GLRA3: variants seen among roughly 807,000 people sequenced by gnomAD.
GLRA3 encodes glycine receptor alpha 3, also known as glycine receptor subunit alpha-3.
A neutral mutation model predicts 60.4 loss-of-function variants in GLRA3; 44 were observed. The ratio of observed to expected loss-of-function variants is 0.73; its 90% CI spans 0.57 to 0.94. The LOEUF is 0.94. Ranked by LOEUF, GLRA3 falls within the 40% of genes least tolerant of loss-of-function variation. GLRA3 has a pLI of 0.00. For synonymous variants in GLRA3, 223 were observed against 192.9 expected (o/e 1.16, Z -1.29); for missense variants, 508 against 564.6 (o/e 0.90, Z 1.02).
chr4:174,739,214 G>C (rs187840706), intron 3 of GLRA3, among the ~76,000 whole-genome samples: 1 of 152,270 alleles, frequency 6.6e-6, no homozygotes, highest in East Asian at 1.9e-4. Flanking sequence ...GCAAGAAGTA[G>C]GTTGCAAGGA....
intron 2 of GLRA3, 101 bp from the exon 3 acceptor site, chr4:174,767,131 C>T: frequency 1.9e-6 from 1 of 538,176 alleles, no homozygotes; most frequent in Non-Finnish European, 3.3e-6. Context: ...TTTACACACA[C>T]ACACACACAC....
chr4:174,809,564 C>A (rs572638110), intron 1 of GLRA3, among the ~76,000 whole-genome samples: 41 of 152,174 alleles, frequency 2.7e-4, no homozygotes, highest in Non-Finnish European at 4.9e-4. Flanking sequence ...GAAACCCCAT[C>A]TCTACTAAAA....
At chr4:174,697,643 A>C (rs1040695245) in intron 5 of GLRA3, among the ~76,000 whole-genome samples, 1 of 152,192 alleles carries the variant, frequency 6.6e-6, no homozygotes, top group Non-Finnish European at 1.5e-5. Flanking sequence ...ACCTATCACC[A>C]TTATCTTATG....
intron 4 of GLRA3, among the ~76,000 whole-genome samples, chr4:174,725,629 C>T (rs6838507): frequency 0.081 from 12,340 of 151,688 alleles, 1,612 homozygotes; most frequent in African/African-American, 0.28. Flanking sequence ...CACAGGTGAA[C>T]GCCACCTTGC....
At chr4:174,762,908 CT>C (rs1737992497) in intron 3 of GLRA3, among the ~76,000 whole-genome samples, 1 of 152,136 alleles carries the variant, frequency 6.6e-6, no homozygotes, top group Non-Finnish European at 1.5e-5. Context: ...CCTCCCACCC[CT>C]GACCAAAGAT....
At chr4:174,691,961 G>C (rs537830765) in intron 5 of GLRA3, among the ~76,000 whole-genome samples, 4 of 151,660 alleles carry the variant, frequency 2.6e-5, no homozygotes, top group Admixed American at 6.6e-5. Context: ...GTCTCTGCCC[G>C]GCCGCCCATC....
At chr4:174,667,019 C>T (rs1733703709) in intron 7 of GLRA3, among the ~76,000 whole-genome samples, 1 of 152,058 alleles carries the variant, frequency 6.6e-6, no homozygotes, top group African/African-American at 2.4e-5. Context: ...TGCTCTCATA[C>T]TGCATGTCTA....
At chr4:174,815,079 T>C (rs946522859) in intron 1 of GLRA3, among the ~76,000 whole-genome samples, 1 of 152,164 alleles carries the variant, frequency 6.6e-6, no homozygotes, top group Non-Finnish European at 1.5e-5. Flanking sequence ...ACTGGGTAAA[T>C]ACAGCCATTC....
chr4:174,751,049 GC>G, intron 3 of GLRA3, among the ~76,000 whole-genome samples: 1 of 110,206 alleles, frequency 9.1e-6, no homozygotes, highest in Non-Finnish European at 2.0e-5. Context: ...AAAAAGAGAA[GC>G]CTGTCTGTCT....
At chr4:174,788,981 A>C in intron 1 of GLRA3, 38 bp from the exon 2 acceptor site, 1 of 1,364,424 alleles carries the variant, frequency 7.3e-7, no homozygotes, top group Non-Finnish European at 1.0e-6. Context: ...TTACAAAAAG[A>C]AGTATTTCTA....
chr4:174,717,213 TAA>T (rs542669937), intron 4 of GLRA3, among the ~76,000 whole-genome samples: 96 of 106,028 alleles, frequency 9.1e-4, no homozygotes, highest in African/African-American at 1.9e-3. Context: ...TCTTGTCTCT[TAA>T]AAAAAAAAAA....
intron 6 of GLRA3, among the ~76,000 whole-genome samples, chr4:174,681,465 C>T (rs1320787508): frequency 6.6e-6 from 1 of 152,086 alleles, no homozygotes; most frequent in African/African-American, 2.4e-5. Context: ...TTACTTATGT[C>T]CTTATAGAAA....
chr4:174,713,865 T>G (rs1735810830), intron 5 of GLRA3: 1 of 152,248 alleles, frequency 6.6e-6, no homozygotes, highest in African/African-American at 2.4e-5. Context: ...ACTCCCTCTT[T>G]GGCTTTAGAC....
At chr4:174,784,328 G>A in intron 2 of GLRA3, among the ~76,000 whole-genome samples, 1 of 135,654 alleles carries the variant, frequency 7.4e-6, no homozygotes, top group Non-Finnish European at 1.6e-5. Context: ...GGGGTGCGGG[G>A]AGGGGGGAGG....
In GLRA3 at chr4:174,642,752, G is replaced by A; in HGVS notation, c.*1034C>T. 1.4e-6 allele frequency: 1 copy of A among 728,076 alleles called. No homozygotes were observed. Among genetic ancestry groups the A allele is most frequent in the Non-Finnish European group, 1.7e-6 (1 of 595,666 alleles). The allele number at this position is 728,076 out of a possible 1,614,324, so 45.1% of individuals were successfully genotyped here. ...AAAACTTTCCCTACTTATATTTGGAGATAGGAGTTGAGACCCATAAAACAT... is the reference window on the plus strand; with the variant it reads ...AAAACTTTCCCTACTTATATTTGGAAATAGGAGTTGAGACCCATAAAACAT... On this transcript the variant is annotated 3_prime_UTR_variant, in exon 10 of 10. Coordinates refer to ENST00000274093, the MANE Select transcript of GLRA3 (RefSeq NM_006529.4).
chr4:174,648,958 A>G (rs1732934418), intron 9 of GLRA3, among the ~76,000 whole-genome samples: 1 of 152,134 alleles, frequency 6.6e-6, no homozygotes, highest in Admixed American at 6.5e-5. Context: ...CCACTAAGGA[A>G]CCCTGTTCGA....
At chr4:174,818,133 G>A (rs1740584484) in intron 1 of GLRA3, among the ~76,000 whole-genome samples, 1 of 152,104 alleles carries the variant, frequency 6.6e-6, no homozygotes, top group African/African-American at 2.4e-5. Context: ...CTAATCCTGA[G>A]TCTTATTTCT....
chr4:174,781,727 A>C (rs377093825), intron 2 of GLRA3, among the ~76,000 whole-genome samples: 3 of 150,750 alleles, frequency 2.0e-5, no homozygotes, highest in Non-Finnish European at 4.5e-5. Flanking sequence ...GAAATGGATA[A>C]ATTCCTCGAC....
chr4:174,746,336 T>C (rs886338088), intron 3 of GLRA3, among the ~76,000 whole-genome samples: 1 of 152,106 alleles, frequency 6.6e-6, no homozygotes, highest in Non-Finnish European at 1.5e-5. Flanking sequence ...AATAATTTCA[T>C]TCTCAGCAAC....
Sources: gnomAD v4.1 joint callset for allele counts (sites outside exome capture counted in the v4.1 genomes callset) on GRCh38, gnomAD v4.1.1 for gene constraint, MANE v1.5 for transcripts, NCBI Gene and HGNC (gene_info 2026-07-23, HGNC 2026-07-21) for gene names.